PTPRK: variants seen among roughly 807,000 people sequenced by gnomAD.
The protein encoded by PTPRK is receptor-type tyrosine-protein phosphatase kappa.
PTPRK carries 75 observed loss-of-function variants against 178.0 expected under a neutral mutation model. That is an observed-to-expected ratio of 0.42 (90% CI 0.35 to 0.51). The LOEUF is 0.51. PTPRK is among the 20% of genes least tolerant of loss of function. The probability of loss-of-function intolerance (pLI) is 0.02; values close to 1 mark genes in which losing one functional copy is unlikely to be tolerated. For synonymous variants in PTPRK, 637 were observed against 620.6 expected, an observed-to-expected ratio of 1.03 and a Z score of -0.39; for missense variants, 1,441 against 1,797.8, an observed-to-expected ratio of 0.80 and a Z score of 3.59.
chr6:128,350,998 G>A (rs1022806333), intron 2 of PTPRK, among the ~76,000 whole-genome samples: 7 of 152,094 alleles, frequency 4.6e-5, no homozygotes, highest in Non-Finnish European at 7.4e-5. Context: ...CTGATACTTC[G>A]CTAGGTGCTG....
In PTPRK at chr6:128,103,875, C is replaced by T. The variant is rs151166305; in HGVS notation, c.1163-13883G>A. On this transcript the variant is annotated intron_variant, in intron 7 of 29. Coordinates refer to ENST00000368226, the MANE Select transcript of PTPRK (RefSeq NM_002844.4). Reference sequence around the variant, plus strand: ...CCTGAAAAAGCCCCCAGTGACTTCCCATCTGAATCACAGTAGGAGTGGAAG... The same window carrying T: ...CCTGAAAAAGCCCCCAGTGACTTCCTATCTGAATCACAGTAGGAGTGGAAG... Among the ~76,000 whole-genome samples the T allele has an allele frequency of 7.5e-3, 1,139 of 152,266 alleles. 41 individuals carry two copies. The highest frequency in any genetic ancestry group is 0.023 in the East Asian group (121 of 5,168).
intron 13 of PTPRK, among the ~76,000 whole-genome samples, chr6:128,057,920 C>G (rs1199744921): frequency 6.6e-6 from 1 of 152,126 alleles, no homozygotes; most frequent in Non-Finnish European, 1.5e-5. Context: ...ACAAATTAAA[C>G]AATAAAGTGT....
chr6:128,134,140 A>G (rs1041996609), intron 7 of PTPRK, among the ~76,000 whole-genome samples: 1 of 152,186 alleles, frequency 6.6e-6, no homozygotes, highest in Admixed American at 6.5e-5. Flanking sequence ...ATATATTTCC[A>G]TTTCCATAGT....
In PTPRK at chr6:127,999,768, C is replaced by G. The variant is rs190665547; in HGVS notation, c.2495-864G>C. ...TTTTCCTCACTAAATTCTGAACACC[C>G]AGTACAGAGACAGAATATTTTTCTT... is the stretch of plus-strand genomic sequence containing the variant. On this transcript the variant is annotated intron_variant, in intron 15 of 29. Transcript: ENST00000368226. Among the ~76,000 whole-genome samples, 6 of 152,090 alleles carry G rather than the reference C, an allele frequency of 3.9e-5. No homozygotes were observed. In the East Asian group the frequency reaches 9.7e-4, roughly 25 times the overall value.
At chr6:128,193,742 T>A (rs772988383) in intron 6 of PTPRK, among the ~76,000 whole-genome samples, 4 of 152,170 alleles carry the variant, frequency 2.6e-5, no homozygotes, top group Admixed American at 1.3e-4. Flanking sequence ...GAATTTTATA[T>A]CCTATGCATT....
chr6:128,076,982 A>C (rs1783937410), intron 11 of PTPRK, among the ~76,000 whole-genome samples: 1 of 152,060 alleles, frequency 6.6e-6, no homozygotes, highest in Non-Finnish European at 1.5e-5. Flanking sequence ...AAAATTGATT[A>C]AGTGAATAAA....
At chr6:128,148,537 A>G (rs1796806898) in intron 7 of PTPRK, among the ~76,000 whole-genome samples, 2 of 152,138 alleles carry the variant, frequency 1.3e-5, no homozygotes, top group African/African-American at 4.8e-5. Context: ...GGAAAAGGAC[A>G]GAAATGTTCC....
intron 1 of PTPRK, among the ~76,000 whole-genome samples, chr6:128,410,888 T>C (rs1842232732): frequency 6.6e-6 from 1 of 152,044 alleles, no homozygotes; most frequent in Non-Finnish European, 1.5e-5. Context: ...AGCCTTACGT[T>C]TGTTTGTTTA....
chr6:128,202,580 A>C (rs540109531), intron 6 of PTPRK, among the ~76,000 whole-genome samples: 1 of 152,118 alleles, frequency 6.6e-6, no homozygotes, highest in African/African-American at 2.4e-5. Context: ...GTTAAGACCA[A>C]CTGGCTTGGA....
chr6:128,496,526 G>A (rs1412269598), intron 1 of PTPRK, among the ~76,000 whole-genome samples: 2 of 152,108 alleles, frequency 1.3e-5, no homozygotes, highest in South Asian at 2.1e-4. Flanking sequence ...TTAAACCTAA[G>A]TGAAGTGACA....
intron 7 of PTPRK, among the ~76,000 whole-genome samples, chr6:128,118,258 C>T (rs969884463): frequency 1.3e-5 from 2 of 152,134 alleles, no homozygotes; most frequent in African/African-American, 2.4e-5. Context: ...GCTAGGTCAC[C>T]GTGGACTTAC....
At chr6:128,024,715 CAGG>C (rs1774026817) in intron 13 of PTPRK, among the ~76,000 whole-genome samples, 1 of 152,084 alleles carries the variant, frequency 6.6e-6, no homozygotes, top group Non-Finnish European at 1.5e-5. Context: ...GAGGCTGAGA[CAGG>C]AGAATTGCAA....
At chr6:128,088,000 A>C (rs1230632900) in intron 8 of PTPRK, among the ~76,000 whole-genome samples, 1 of 152,202 alleles carries the variant, frequency 6.6e-6, no homozygotes, top group Non-Finnish European at 1.5e-5. Flanking sequence ...GCACCAAAAG[A>C]CACACCTGAT....
chr6:128,494,184 A>G lies in PTPRK; in HGVS notation c.100+26075T>C, dbSNP rs376565437. Among the ~76,000 whole-genome samples the G allele has an allele frequency of 6.6e-4, 96 of 145,060 alleles. 1 individual carries two copies. In the South Asian group the frequency reaches 0.021, roughly 32 times the overall value. On this transcript the variant is annotated intron_variant, in intron 1 of 29. Transcript: ENST00000368226. ...CACCGCACTCCAGCCTGGGTAATGTAGCAAGACCCTGTATCTTAAAAAAAA... is the reference window on the plus strand; with the variant it reads ...CACCGCACTCCAGCCTGGGTAATGTGGCAAGACCCTGTATCTTAAAAAAAA...
chr6:128,174,345 C>T (rs1373558263), intron 7 of PTPRK, among the ~76,000 whole-genome samples: 2 of 151,886 alleles, frequency 1.3e-5, no homozygotes, highest in African/African-American at 4.8e-5. Flanking sequence ...TCATTTGTAG[C>T]ACTTAAAATT....
intron 7 of PTPRK, among the ~76,000 whole-genome samples, chr6:128,104,118 C>T (rs577183698): frequency 6.6e-6 from 1 of 152,324 alleles, no homozygotes; most frequent in East Asian, 1.9e-4. Context: ...TCAAATGTCA[C>T]CTTCTTAATG....
At chr6:127,987,154 T>C (rs1017722192) in intron 21 of PTPRK, among the ~76,000 whole-genome samples, 2 of 152,064 alleles carry the variant, frequency 1.3e-5, no homozygotes, top group African/African-American at 4.8e-5. Flanking sequence ...GGGTTTGCTC[T>C]TTTTAGTACA....
rs750995140 is a variant in PTPRK at position 128,064,777 on chromosome 6, G to A, written c.2175C>T (p.Cys725=). The A allele has an allele frequency of 2.8e-5, 45 of 1,588,340 alleles. No individual in the cohort carries two copies. Among genetic ancestry groups the A allele is most frequent in the East Asian group, 4.5e-5 (2 of 43,968 alleles). ...TCTTACCTTTTGTAGCAATGCGTACGCACTGGGTTTTAGTTTCCTGATAGA... is the reference window on the plus strand; with the variant it reads ...TCTTACCTTTTGTAGCAATGCGTACACACTGGGTTTTAGTTTCCTGATAGA... ...SSVEKETKTQ[C]VRIATKAAAT... Residue 725 remains cysteine, a synonymous_variant, in exon 13 of 30, where the codon TGC becomes TGT. Transcript: ENST00000368226.
intron 2 of PTPRK, among the ~76,000 whole-genome samples, chr6:128,365,897 T>C (rs1054422046): frequency 1.3e-5 from 2 of 152,150 alleles, no homozygotes; most frequent in Non-Finnish European, 2.9e-5. Context: ...AGAAGTGCTA[T>C]GGATCTAATA....
Sources: gnomAD v4.1 joint callset for allele counts (sites outside exome capture counted in the v4.1 genomes callset) on GRCh38, gnomAD v4.1.1 for gene constraint, MANE v1.5 for transcripts, NCBI Gene and HGNC (gene_info 2026-07-23, HGNC 2026-07-21) for gene names.